The following XYLT1 variants were observed in gnomAD, a reference collection of about 807,000 sequenced individuals.
XYLT1 encodes the protein xylosyltransferase 1.
In XYLT1, 36 loss-of-function variants were observed where a neutral mutation model predicts 91.3. The ratio of observed to expected loss-of-function variants is 0.39; its 90% CI spans 0.30 to 0.52. The LOEUF (loss-of-function observed/expected upper bound fraction) is 0.52. Ranked by LOEUF, XYLT1 falls within the 20% of genes least tolerant of loss-of-function variation. The pLI is 0.68. For synonymous variants in XYLT1, 588 were observed against 532.0 expected, an observed-to-expected ratio of 1.11 and a Z score of -1.45; for missense variants, 1,242 against 1,284.5, an observed-to-expected ratio of 0.97 and a Z score of 0.51.
Position 17,356,057 on chromosome 16 carries a change from G to T in XYLT1, c.402+1955C>A, listed in dbSNP as rs190590966. Reference sequence around the variant, plus strand: ...CCAGTGGGGAGCTGGCCTGTGTGTTGTAGGATATTTAACAGCAACCTGGGT... The same window carrying T: ...CCAGTGGGGAGCTGGCCTGTGTGTTTTAGGATATTTAACAGCAACCTGGGT... On this transcript the variant is annotated intron_variant, in intron 2 of 11. Transcript: ENST00000261381. Among the ~76,000 whole-genome samples, 5 of 151,908 alleles carry T rather than the reference G, an allele frequency of 3.3e-5. No individual in the cohort carries two copies. In the South Asian group the frequency reaches 1.0e-3, roughly 32 times the overall value.
chr16:17,361,143 T>C (rs2035376145), intron 1 of XYLT1, among the ~76,000 whole-genome samples: 1 of 152,154 alleles, frequency 6.6e-6, no homozygotes, highest in Admixed American at 6.5e-5. Flanking sequence ...CAATGGGAGG[T>C]TAGTAGATGT....
chr16:17,346,560 A>C (rs1253382704), intron 2 of XYLT1, among the ~76,000 whole-genome samples: 1 of 152,200 alleles, frequency 6.6e-6, no homozygotes, highest in Non-Finnish European at 1.5e-5. Context: ...AATTTAAAAA[A>C]TTTAAAAATC....
At chr16:17,410,260 T>A (rs1023283570) in intron 1 of XYLT1, among the ~76,000 whole-genome samples, 1 of 152,220 alleles carries the variant, frequency 6.6e-6, no homozygotes, top group Non-Finnish European at 1.5e-5. Context: ...CATTAAGCTT[T>A]GATTCTCCAC....
intron 5 of XYLT1, among the ~76,000 whole-genome samples, chr16:17,170,846 T>C (rs945284277): frequency 6.6e-6 from 1 of 152,240 alleles, no homozygotes. Flanking sequence ...GTTAAAATAA[T>C]GCAGATCTGA....
chr16:17,236,759 C>T (rs994190001), intron 3 of XYLT1, among the ~76,000 whole-genome samples: 5 of 152,174 alleles, frequency 3.3e-5, no homozygotes, highest in Non-Finnish European at 7.4e-5. Context: ...CCTGTCTTTA[C>T]GTCCATGTTC....
At chr16:17,353,223 G>T (rs575701128) in intron 2 of XYLT1, among the ~76,000 whole-genome samples, 3 of 152,164 alleles carry the variant, frequency 2.0e-5, no homozygotes, top group Non-Finnish European at 4.4e-5. Context: ...AACTCTAGCT[G>T]AGTTCACAAA....
At chr16:17,290,871 G>C (rs532355763) in intron 2 of XYLT1, among the ~76,000 whole-genome samples, 1 of 152,076 alleles carries the variant, frequency 6.6e-6, no homozygotes, top group Non-Finnish European at 1.5e-5. Context: ...GTCCTGGGGT[G>C]GATCAACACC....
chr16:17,276,968 A>C (rs2141779715), intron 2 of XYLT1, among the ~76,000 whole-genome samples: 1 of 152,376 alleles, frequency 6.6e-6, no homozygotes, highest in African/African-American at 2.4e-5. Flanking sequence ...GCGGTTACCC[A>C]CATCATTTCA....
At position 17,170,595 on chromosome 16, in the gene XYLT1, C is replaced by A. The variant is rs998767556; in HGVS notation, c.1290-11686G>T. On this transcript the variant is annotated intron_variant, in intron 5 of 11. Transcript: ENST00000261381. ...CTGCTTGCCTTTGCAAAAGCTGGCTCAATGTCAGTTCCACTGGGAAAGGCT... is the reference window on the plus strand; with the variant it reads ...CTGCTTGCCTTTGCAAAAGCTGGCTAAATGTCAGTTCCACTGGGAAAGGCT... Among the ~76,000 whole-genome samples the A allele has an allele frequency of 4.6e-5, 7 of 152,284 alleles. 1 individual carries two copies. Among genetic ancestry groups the A allele is most frequent in the Admixed American group, 2.0e-4 (3 of 15,292 alleles).
chr16:17,134,877 TCA>T (rs2030651976), intron 8 of XYLT1, 142 bp from the exon 9 acceptor site: 1 of 970,148 alleles, frequency 1.0e-6, no homozygotes, highest in Non-Finnish European at 1.5e-6. Flanking sequence ...CTCTGTGTTC[TCA>T]GTTTCAACAT....
chr16:17,322,809 G>A (rs2034744491), intron 2 of XYLT1, among the ~76,000 whole-genome samples: 1 of 152,120 alleles, frequency 6.6e-6, no homozygotes, highest in South Asian at 2.1e-4. Flanking sequence ...CAAGTGTTTG[G>A]TGACCATCAG....
intron 2 of XYLT1, among the ~76,000 whole-genome samples, chr16:17,317,389 T>G: frequency 6.6e-6 from 1 of 151,700 alleles, no homozygotes; most frequent in Non-Finnish European, 1.5e-5. Context: ...TCTCAGCACT[T>G]TGGGAGGCCT....
intron 2 of XYLT1, among the ~76,000 whole-genome samples, chr16:17,350,325 T>C (rs1041861969): frequency 2.6e-5 from 4 of 152,224 alleles, no homozygotes; most frequent in Non-Finnish European, 5.9e-5. Context: ...TTTGGGGAAC[T>C]TGCTGGCTAT....
Position 17,398,866 on chromosome 16 carries a change from G to A in XYLT1, c.364-40816C>T, listed in dbSNP as rs557008828. 1.2e-3 allele frequency among the ~76,000 whole-genome samples: 62 copies of A among 49,868 alleles called. 1 individual carries two copies. In the South Asian group the frequency reaches 0.037, roughly 30 times the overall value. The allele number at this position is 49,868 out of a possible 152,430, so 32.7% of individuals were successfully genotyped here. A position where few individuals can be genotyped will look rare whatever the true frequency, so the allele number is the denominator to read the frequency against. ...TTTGTTTTGTTTTGTTTTGTTTTTG[G>A]CAGAGTCTTGCTCTGTCACCCAGGC... On this transcript the variant is annotated intron_variant, in intron 1 of 11. Coordinates refer to ENST00000261381, the MANE Select transcript of XYLT1 (RefSeq NM_022166.4).
intron 1 of XYLT1, among the ~76,000 whole-genome samples, chr16:17,432,661 A>G (rs2036405636): frequency 6.6e-6 from 1 of 152,218 alleles, no homozygotes; most frequent in South Asian, 2.1e-4. Flanking sequence ...TAAATTTTAC[A>G]GTATGTAAAT....
chr16:17,148,139 C>G (rs1031460016), intron 6 of XYLT1, among the ~76,000 whole-genome samples: 1 of 152,236 alleles, frequency 6.6e-6, no homozygotes, highest in Non-Finnish European at 1.5e-5. Flanking sequence ...CCCCATGACA[C>G]CTGTGTCTTG....
chr16:17,412,507 G>A (rs533667115), intron 1 of XYLT1, among the ~76,000 whole-genome samples: 5 of 137,982 alleles, frequency 3.6e-5, no homozygotes, highest in East Asian at 2.4e-4. Context: ...ATTAAATACC[G>A]TGGTAACCAA....
chr16:17,265,609 A>C (rs766716893), intron 2 of XYLT1, among the ~76,000 whole-genome samples: 6 of 152,218 alleles, frequency 3.9e-5, no homozygotes, highest in Non-Finnish European at 8.8e-5. Flanking sequence ...AATTAAATGC[A>C]ATAATGTCCT....
chr16:17,258,528 G>A (rs1368117052), intron 3 of XYLT1, among the ~76,000 whole-genome samples: 1 of 151,270 alleles, frequency 6.6e-6, no homozygotes, highest in Non-Finnish European at 1.5e-5. Context: ...GAAGAGAAGA[G>A]GGAAAGAAAC....
Sources: gnomAD v4.1 joint callset for allele counts (sites outside exome capture counted in the v4.1 genomes callset) on GRCh38, gnomAD v4.1.1 for gene constraint, MANE v1.5 for transcripts, NCBI Gene and HGNC (gene_info 2026-07-23, HGNC 2026-07-21) for gene names.